The following MERTK variants were observed in gnomAD, a reference collection of about 807,000 sequenced individuals.
The protein encoded by MERTK is MER proto-oncogene, tyrosine kinase.
A neutral mutation model predicts 99.3 loss-of-function variants in MERTK; 69 were observed. The ratio of observed to expected loss-of-function variants is 0.70; its 90% CI spans 0.57 to 0.85. The LOEUF (loss-of-function observed/expected upper bound fraction) is 0.85, where lower values mean the gene tolerates loss of function less well. Ranked by LOEUF, MERTK falls within the 40% of genes least tolerant of loss-of-function variation. The pLI is 0.00. For synonymous variants in MERTK, 426 were observed against 467.6 expected (o/e 0.91, Z 1.15); for missense variants, 1,125 against 1,249.4 (o/e 0.90, Z 1.50).
At chr2:111,920,241 G>C (rs533016542) in intron 1 of MERTK, among the ~76,000 whole-genome samples, 4 of 152,274 alleles carry the variant, frequency 2.6e-5, no homozygotes, top group East Asian at 3.9e-4. Flanking sequence ...CACCGTGCAG[G>C]CATTTCTGGG....
chr2:111,944,532 T>TCTTCCTTAAAATAATTCCTCTGTTTTA (rs1684926140), intron 2 of MERTK, among the ~76,000 whole-genome samples: 1 of 152,176 alleles, frequency 6.6e-6, no homozygotes, highest in Admixed American at 6.5e-5. Context: ...TTTAAGGAAT[T>TCTTCCTTAAAATAATTCCTCTGTTTTA]AGCTCACACA....
At chr2:111,937,793 C>T (rs1167312502) in intron 2 of MERTK, among the ~76,000 whole-genome samples, 2 of 152,232 alleles carry the variant, frequency 1.3e-5, no homozygotes, top group East Asian at 3.8e-4. Context: ...CCTTTCAGCT[C>T]GAACTTCCTT....
intron 1 of MERTK, among the ~76,000 whole-genome samples, chr2:111,914,862 A>G (rs920055761): frequency 5.3e-5 from 8 of 151,812 alleles, no homozygotes; most frequent in Non-Finnish European, 1.5e-5. Context: ...TTTTTTCTGT[A>G]TTTTTGTCTG....
chr2:111,908,761 A>G (rs1456286969), intron 1 of MERTK, among the ~76,000 whole-genome samples: 2 of 152,204 alleles, frequency 1.3e-5, no homozygotes, highest in East Asian at 1.9e-4. Context: ...TCTGACATCT[A>G]TAGTGTATGC....
intron 10 of MERTK, 126 bp from the exon 11 acceptor site, chr2:112,001,075 G>A (rs1676858604): frequency 1.6e-5 from 12 of 741,970 alleles, no homozygotes; most frequent in South Asian, 6.0e-5. Flanking sequence ...GTTTCTTCTA[G>A]GGGGAAAGCT....
In MERTK at chr2:112,027,143, A is replaced by G. The variant is rs376347107; in HGVS notation, c.2487-1208A>G. On this transcript the variant is annotated intron_variant, in intron 18 of 18. Coordinates refer to ENST00000295408, the MANE Select transcript of MERTK (RefSeq NM_006343.3). ...AGACTTCGTCTTATTAAAAAAATAAATACATCTATTTTTAAAATTTTATAT... is the reference window on the plus strand; with the variant it reads ...AGACTTCGTCTTATTAAAAAAATAAGTACATCTATTTTTAAAATTTTATAT... Among the ~76,000 whole-genome samples, 3 of 151,722 alleles carry G rather than the reference A, an allele frequency of 2.0e-5. No homozygotes were observed. In the South Asian group the frequency reaches 6.2e-4, roughly 32 times the overall value.
rs545405602 is a variant in MERTK, at chr2:111,973,096, A to G, written c.961-2193A>G. Among the ~76,000 whole-genome samples the G allele has an allele frequency of 4.9e-4, 74 of 152,104 alleles. 1 individual carries two copies. The South Asian group carries it at 0.012, about 26-fold the overall frequency. The stretch of plus-strand genomic sequence containing the variant: ...CTCCATTTCTAATTTTAGCTCTCCC[A>G]TGTACTTCTTGCCACTTCATGCCTG... On this transcript the variant is annotated intron_variant, in intron 6 of 18. Coordinates refer to ENST00000295408, the MANE Select transcript of MERTK (RefSeq NM_006343.3).
intron 18 of MERTK, among the ~76,000 whole-genome samples, chr2:112,027,653 C>T (rs1272485459): frequency 6.6e-6 from 1 of 152,210 alleles, no homozygotes; most frequent in African/African-American, 2.4e-5. Context: ...CCCACATGGC[C>T]ATGGCATGTT....
At chr2:111,968,881 G>A (rs992117116) in intron 6 of MERTK, among the ~76,000 whole-genome samples, 1 of 152,194 alleles carries the variant, frequency 6.6e-6, no homozygotes, top group African/African-American at 2.4e-5. Flanking sequence ...TTGTGACCAA[G>A]AGTTGAGGAA....
chr2:111,945,082 C>T (rs758379790), intron 3 of MERTK, 22 bp downstream of exon 3: 21 of 1,570,990 alleles, frequency 1.3e-5, no homozygotes, highest in Non-Finnish European at 1.8e-5. Flanking sequence ...GACCAGAGTC[C>T]CATTGCCAGA....
intron 2 of MERTK, among the ~76,000 whole-genome samples, chr2:111,933,650 C>T (rs1333868102): frequency 6.6e-6 from 1 of 152,098 alleles, no homozygotes; most frequent in Non-Finnish European, 1.5e-5. Flanking sequence ...TTGAGGACCC[C>T]ATACTTTGTA....
intron 4 of MERTK, among the ~76,000 whole-genome samples, chr2:111,964,502 A>G (rs1685323607): frequency 6.6e-6 from 1 of 152,152 alleles, no homozygotes; most frequent in Non-Finnish European, 1.5e-5. Flanking sequence ...AGAATCAGCC[A>G]TTTCTCCAAG....
chr2:111,984,230 C>A (rs1573619715), intron 8 of MERTK, among the ~76,000 whole-genome samples: 1 of 152,072 alleles, frequency 6.6e-6, no homozygotes, highest in African/African-American at 2.4e-5. Context: ...TCTTGTCAGG[C>A]CCTCCATGGA....
chr2:112,009,775 T>C, intron 14 of MERTK, 173 bp from the exon 15 acceptor site: 1 of 642,450 alleles, frequency 1.6e-6, no homozygotes, highest in Admixed American at 2.2e-5. Context: ...ATACCAGTAG[T>C]GGACCCTGTG....
chr2:111,951,062 G>A (rs1573594600), intron 4 of MERTK, among the ~76,000 whole-genome samples: 1 of 149,692 alleles, frequency 6.7e-6, no homozygotes, highest in Non-Finnish European at 1.5e-5. Flanking sequence ...GAAATACATA[G>A]TGAACTGATT....
At chr2:112,018,874 G>A (rs1677272419) in intron 15 of MERTK, among the ~76,000 whole-genome samples, 1 of 152,146 alleles carries the variant, frequency 6.6e-6, no homozygotes, top group Non-Finnish European at 1.5e-5. Context: ...TGTGATAATT[G>A]GTGAAGACTC....
rs566023345 is a variant in MERTK, at chr2:111,911,030, A to C, written c.61+12234A>C. Among the ~76,000 whole-genome samples the C allele has an allele frequency of 2.2e-3, 333 of 152,282 alleles. 3 individuals carry two copies. Among genetic ancestry groups the C allele is most frequent in the African/African-American group, 7.5e-3 (310 of 41,562 alleles). ...TTAAAAAAGAAGGTGATAACTCAAT[A>C]CGAAGCCCTATGCTATGGACTTCAG... On this transcript the variant is annotated intron_variant, in intron 1 of 18. Transcript: ENST00000295408.
At chr2:111,955,432 T>C (rs566594964) in intron 4 of MERTK, among the ~76,000 whole-genome samples, 11 of 152,158 alleles carry the variant, frequency 7.2e-5, no homozygotes, top group African/African-American at 2.6e-4. Flanking sequence ...AGGGGTTAGG[T>C]TTGGGGGTAG....
chr2:111,905,975 T>G (rs1197575682), intron 1 of MERTK, among the ~76,000 whole-genome samples: 1 of 152,184 alleles, frequency 6.6e-6, no homozygotes, highest in Non-Finnish European at 1.5e-5. Context: ...CTAAGAACAT[T>G]TATATTTGTG....
Sources: gnomAD v4.1 joint callset for allele counts (sites outside exome capture counted in the v4.1 genomes callset) on GRCh38, gnomAD v4.1.1 for gene constraint, MANE v1.5 for transcripts, NCBI Gene and HGNC (gene_info 2026-07-23, HGNC 2026-07-21) for gene names.